The following RCAN2 variants were observed in gnomAD, a reference collection of about 807,000 sequenced individuals.
RCAN2 encodes regulator of calcineurin 2, also known as calcipressin-2.
Under a neutral mutation model 23.6 loss-of-function variants are expected in RCAN2, and 9 were observed. The ratio of observed to expected loss-of-function variants is 0.38; its 90% CI spans 0.23 to 0.67. RCAN2 has a LOEUF of 0.67. Ranked by LOEUF, RCAN2 falls within the 30% of genes least tolerant of loss-of-function variation. The probability of loss-of-function intolerance (pLI) is 0.51; values close to 1 mark genes in which losing one functional copy is unlikely to be tolerated. For missense variants in RCAN2, 273 were observed against 302.3 expected (o/e 0.90, Z 0.72); for synonymous variants, 109 against 115.7 (o/e 0.94, Z 0.37).
intron 2 of RCAN2, among the ~76,000 whole-genome samples, chr6:46,268,166 T>G (rs879287371): frequency 2.2e-4 from 33 of 152,240 alleles, no homozygotes; most frequent in Admixed American, 4.6e-4. Context: ...ATTCACTTCA[T>G]TAACGGCACA....
chr6:46,358,273 A>G (rs1582138309), intron 2 of RCAN2, among the ~76,000 whole-genome samples: 1 of 152,212 alleles, frequency 6.6e-6, no homozygotes, highest in African/African-American at 2.4e-5. Context: ...AATGAAAAAT[A>G]CACTCCAGTA....
chr6:46,451,521 C>A (rs1322943809), intron 2 of RCAN2, among the ~76,000 whole-genome samples: 1 of 152,086 alleles, frequency 6.6e-6, no homozygotes, highest in African/African-American at 2.4e-5. Flanking sequence ...AGATTGTGGA[C>A]CGGCAGTTGT....
chr6:46,260,781 T>A (rs1767087149), intron 2 of RCAN2, among the ~76,000 whole-genome samples: 1 of 152,182 alleles, frequency 6.6e-6, no homozygotes, highest in Non-Finnish European at 1.5e-5. Flanking sequence ...CCAATGGGTC[T>A]ATGAAAATGT....
chr6:46,433,075 T>C (rs1198584494), intron 2 of RCAN2, among the ~76,000 whole-genome samples: 1 of 152,202 alleles, frequency 6.6e-6, no homozygotes, highest in African/African-American at 2.4e-5. Flanking sequence ...TTTACCTCTA[T>C]GTGTCATAAG....
At chr6:46,331,120 A>G (rs1763955828) in intron 2 of RCAN2, among the ~76,000 whole-genome samples, 2 of 152,192 alleles carry the variant, frequency 1.3e-5, no homozygotes, top group South Asian at 4.1e-4. Context: ...CTCATCTACT[A>G]TTTAGTTACT....
At chr6:46,447,228 A>T (rs1339485596) in intron 2 of RCAN2, among the ~76,000 whole-genome samples, 1 of 152,078 alleles carries the variant, frequency 6.6e-6, no homozygotes, top group East Asian at 1.9e-4. Flanking sequence ...AAAGTAGAAC[A>T]AGACAAAGAA....
chr6:46,379,769 T>A (rs1489144092), intron 2 of RCAN2, among the ~76,000 whole-genome samples: 2 of 152,082 alleles, frequency 1.3e-5, no homozygotes, highest in Non-Finnish European at 2.9e-5. Flanking sequence ...TTAGAGAAAG[T>A]GTGGTTAAGG....
At chr6:46,472,335 A>C (rs1768579133) in intron 1 of RCAN2, among the ~76,000 whole-genome samples, 1 of 152,214 alleles carries the variant, frequency 6.6e-6, no homozygotes, top group East Asian at 1.9e-4. Flanking sequence ...CACACATATA[A>C]ATTCTAAAGA....
At chr6:46,379,293 A>G (rs1765559841) in intron 2 of RCAN2, among the ~76,000 whole-genome samples, 1 of 152,152 alleles carries the variant, frequency 6.6e-6, no homozygotes, top group Non-Finnish European at 1.5e-5. Context: ...CTCTGTGGAC[A>G]TGAGATGCCA....
chr6:46,322,740 C>T (rs900068684), intron 2 of RCAN2, among the ~76,000 whole-genome samples: 7 of 152,344 alleles, frequency 4.6e-5, no homozygotes, highest in Non-Finnish European at 8.8e-5. Flanking sequence ...CCTCCCTTTT[C>T]TCTGACAATA....
chr6:46,450,495 A>T (rs1329225496), intron 2 of RCAN2, among the ~76,000 whole-genome samples: 1 of 152,110 alleles, frequency 6.6e-6, no homozygotes, highest in Non-Finnish European at 1.5e-5. Context: ...TCTGCTCTCC[A>T]TTATTCATCG....
chr6:46,259,651 T>C (rs559649227), intron 2 of RCAN2, among the ~76,000 whole-genome samples: 92 of 152,292 alleles, frequency 6.0e-4, no homozygotes, highest in Non-Finnish European at 9.7e-4. Flanking sequence ...CAATTCTGAC[T>C]CTATCTGCCT....
At chr6:46,469,662 C>T (rs184386639) in intron 1 of RCAN2, among the ~76,000 whole-genome samples, 3 of 152,276 alleles carry the variant, frequency 2.0e-5, no homozygotes, top group African/African-American at 7.2e-5. Flanking sequence ...AGGATGTATA[C>T]CATCCTTCTA....
chr6:46,267,943 T>A (rs377328898), intron 2 of RCAN2, among the ~76,000 whole-genome samples: 1 of 151,218 alleles, frequency 6.6e-6, no homozygotes, highest in Non-Finnish European at 1.5e-5. Context: ...AAGAATAAAA[T>A]CATGGAAAAA....
At chr6:46,337,585 C>A (rs1582118691) in intron 2 of RCAN2, among the ~76,000 whole-genome samples, 1 of 152,336 alleles carries the variant, frequency 6.6e-6, no homozygotes, top group East Asian at 1.9e-4. Context: ...GATCCTCTTT[C>A]TGTATTTCCT....
chr6:46,430,340 T>G (rs1393228285), intron 2 of RCAN2, among the ~76,000 whole-genome samples: 2 of 152,090 alleles, frequency 1.3e-5, no homozygotes, highest in Admixed American at 1.3e-4. Flanking sequence ...AAAAACTGGA[T>G]GTAGGGTGGT....
chr6:46,443,867 A>C (rs912334925), intron 2 of RCAN2, among the ~76,000 whole-genome samples: 3 of 152,228 alleles, frequency 2.0e-5, no homozygotes, highest in African/African-American at 7.2e-5. Context: ...ATTCAGACAC[A>C]GTGATGCACA....
intron 2 of RCAN2, among the ~76,000 whole-genome samples, chr6:46,297,025 A>C (rs1278418543): frequency 6.6e-6 from 1 of 151,892 alleles, no homozygotes; most frequent in Non-Finnish European, 1.5e-5. Flanking sequence ...AACAGTACAA[A>C]CTCTTCTAAA....
chr6:46,263,561 A>ATGTGTGTGTGTGTGTGTGTG (rs1561834156), intron 2 of RCAN2, among the ~76,000 whole-genome samples: 88 of 56,142 alleles, frequency 1.6e-3, no homozygotes, highest in Non-Finnish European at 3.2e-3. Flanking sequence ...GTGTGTGTGT[A>ATGTGTGTGTGTGTGTGTGTG]TGTGTGTGTG....
Sources: allele counts gnomAD v4.1 joint callset (sites outside exome capture counted in the v4.1 genomes callset), GRCh38; gene constraint gnomAD v4.1.1; transcripts MANE v1.5; gene names NCBI Gene and HGNC (gene_info 2026-07-23, HGNC 2026-07-21).